The following TPTE variants were observed in gnomAD, a reference collection of about 807,000 sequenced individuals.
TPTE encodes the protein transmembrane phosphatase with tensin homology.
TPTE carries 59 observed loss-of-function variants against 84.1 expected under a neutral mutation model. That is an observed-to-expected ratio of 0.70 (90% CI 0.57 to 0.87). The LOEUF is 0.87. Ranked by LOEUF, TPTE falls within the 40% of genes least tolerant of loss-of-function variation. TPTE has a pLI of 0.00. For missense variants in TPTE, 382 were observed against 659.6 expected (o/e 0.58, Z 4.61); for synonymous variants, 130 against 223.5 (o/e 0.58, Z 3.73).
chr21:10,532,366 A>G (rs1335682355), intron 3 of TPTE, among the ~76,000 whole-genome samples: 3 of 152,306 alleles, frequency 2.0e-5, no homozygotes, highest in African/African-American at 7.2e-5. Context: ...CCCTTCTTGT[A>G]CATTTTATTT....
chr21:10,528,120 G>A (rs1440498644), intron 3 of TPTE, among the ~76,000 whole-genome samples: 1 of 152,298 alleles, frequency 6.6e-6, no homozygotes, highest in African/African-American at 2.4e-5. Context: ...TCAAGTACCA[G>A]GTGCCAAATA....
At chr21:10,545,144 G>T (rs1187391840) in intron 7 of TPTE, among the ~76,000 whole-genome samples, 1 of 152,304 alleles carries the variant, frequency 6.6e-6, no homozygotes, top group Non-Finnish European at 1.5e-5. Context: ...TTACCTCATT[G>T]AATTAAAAAG....
chr21:10,534,525 C>A (rs980436250), intron 3 of TPTE, among the ~76,000 whole-genome samples: 2 of 152,428 alleles, frequency 1.3e-5, no homozygotes, highest in East Asian at 3.8e-4. Flanking sequence ...ATTAAGCCTA[C>A]AAATTCACAT....
At chr21:10,572,492 A>T (rs2075065907) in intron 14 of TPTE, among the ~76,000 whole-genome samples, 1 of 152,312 alleles carries the variant, frequency 6.6e-6, no homozygotes, top group Non-Finnish European at 1.5e-5. Context: ...AAAAACAGCA[A>T]GAAAAAAGCA....
At chr21:10,530,219 A>C (rs1005263451) in intron 3 of TPTE, among the ~76,000 whole-genome samples, 3 of 152,308 alleles carry the variant, frequency 2.0e-5, no homozygotes, top group African/African-American at 7.2e-5. Flanking sequence ...GCCCTTTAGA[A>C]ACCAATCAAT....
chr21:10,555,388 A>G (rs546818043), intron 8 of TPTE, among the ~76,000 whole-genome samples: 22 of 152,412 alleles, frequency 1.4e-4, no homozygotes, highest in Non-Finnish European at 2.8e-4. Flanking sequence ...TTGTATTTTT[A>G]GTAGAGATGG....
At chr21:10,599,578 A>C (rs562565178) in intron 21 of TPTE, among the ~76,000 whole-genome samples, 1 of 152,296 alleles carries the variant, frequency 6.6e-6, no homozygotes, top group Admixed American at 6.5e-5. Context: ...AAATCACTAA[A>C]TAAGTGTTAT....
At chr21:10,540,990 TATAC>T in intron 4 of TPTE, 118 bp from the exon 5 acceptor site, 1 of 1,425,544 alleles carries the variant, frequency 7.0e-7, no homozygotes, top group South Asian at 1.2e-5. Flanking sequence ...AATTTAGTGA[TATAC>T]ATACATGTGA....
chr21:10,558,383 T>C (rs1336913837), intron 8 of TPTE, among the ~76,000 whole-genome samples: 1 of 152,304 alleles, frequency 6.6e-6, no homozygotes, highest in Non-Finnish European at 1.5e-5. Flanking sequence ...TGTATATGTG[T>C]TCCCTTTTCT....
At chr21:10,542,760 A>C (rs532848473) in intron 6 of TPTE, among the ~76,000 whole-genome samples, 38 of 152,318 alleles carry the variant, frequency 2.5e-4, no homozygotes, top group African/African-American at 9.1e-4. Context: ...TTTTTTTAAC[A>C]GAGTTTCCAA....
At chr21:10,547,748 A>G (rs2074495277) in intron 7 of TPTE, among the ~76,000 whole-genome samples, 1 of 152,304 alleles carries the variant, frequency 6.6e-6, no homozygotes, top group African/African-American at 2.4e-5. Context: ...GGTTAAAGCC[A>G]CAATCCCAGC....
At chr21:10,591,712 T>G (rs1279305587) in intron 18 of TPTE, among the ~76,000 whole-genome samples, 136 of 152,000 alleles carry the variant, frequency 8.9e-4, no homozygotes, top group African/African-American at 3.1e-3. Context: ...GGCAGGTTGC[T>G]TGGTTTTGTT....
At chr21:10,597,190 T>C (rs2075604098) in intron 20 of TPTE, among the ~76,000 whole-genome samples, 1 of 152,308 alleles carries the variant, frequency 6.6e-6, no homozygotes, top group Non-Finnish European at 1.5e-5. Context: ...CAAAAAAGCC[T>C]TTGTCTGTAA....
intron 9 of TPTE, among the ~76,000 whole-genome samples, chr21:10,560,362 C>T (rs1157317634): frequency 1.3e-5 from 2 of 152,304 alleles, no homozygotes; most frequent in South Asian, 2.1e-4. Flanking sequence ...TGAATTTGAG[C>T]TGCAAGTTTT....
rs745849745 is a variant in TPTE, at chr21:10,577,511, A to G, written c.847A>G (p.Asn283Asp). ...KKHRNHYRVY[N>D]LCSERAYDPK... is the part of the protein sequence containing the mutation. ...ACACCGAAACCACTATCGAGTCTACAATCTATGCAGTATGTACATTACTCT... is the reference window on the plus strand; with the variant it reads ...ACACCGAAACCACTATCGAGTCTACGATCTATGCAGTATGTACATTACTCT... The change falls in exon 15 of 24, where the codon AAT (asparagine) becomes GAT (aspartate). Residue 283 changes from asparagine (N) to aspartate (D), a missense_variant. By Grantham distance (23) the Asn-to-Asp change is conservative. This residue lies in a region of TPTE where 85 missense variants were observed against 230.9 expected (regional missense o/e 0.37). Transcript: ENST00000618007. 1.2e-6 allele frequency: 2 copies of G among 1,614,036 alleles called. No homozygotes were observed. The highest frequency in any genetic ancestry group is 2.2e-5 in the South Asian group (2 of 91,074).
intron 22 of TPTE, among the ~76,000 whole-genome samples, chr21:10,603,236 G>A (rs553620537): frequency 1.3e-5 from 2 of 152,428 alleles, no homozygotes; most frequent in East Asian, 1.9e-4. Context: ...ATGTAGTTGG[G>A]TATATATAGA....
chr21:10,539,210 G>GAGAT (rs1166162586), intron 4 of TPTE, among the ~76,000 whole-genome samples: 1 of 152,308 alleles, frequency 6.6e-6, no homozygotes, highest in Non-Finnish European at 1.5e-5. Context: ...CAACATGGAG[G>GAGAT]AGATAGCAGC....
intron 7 of TPTE, among the ~76,000 whole-genome samples, chr21:10,546,135 G>A (rs11184136): frequency 1.3e-4 from 20 of 152,420 alleles, no homozygotes; most frequent in African/African-American, 4.6e-4. Context: ...TTTTCCAACA[G>A]CGTGTTCTCA....
intron 14 of TPTE, among the ~76,000 whole-genome samples, chr21:10,575,749 C>G (rs2075136787): frequency 6.6e-6 from 1 of 152,310 alleles, no homozygotes; most frequent in Admixed American, 6.5e-5. Context: ...AAGAAAAACA[C>G]AACCCCATTA....
Sources: allele counts gnomAD v4.1 joint callset (sites outside exome capture counted in the v4.1 genomes callset), GRCh38; gene constraint gnomAD v4.1.1; regional missense constraint gnomAD v4.1.1; transcripts MANE v1.5; gene names NCBI Gene and HGNC (gene_info 2026-07-23, HGNC 2026-07-21).